Variants in KLHDC7A observed in about 807,000 individuals in gnomAD.
KLHDC7A encodes the protein kelch domain-containing protein 7A.
For synonymous variants in KLHDC7A, 464 were observed against 461.0 expected (o/e 1.01, Z -0.08); for missense variants, 1,123 against 1,052.6 (o/e 1.07, Z -0.93).
rs775219635 is a variant in KLHDC7A at position 18,482,871 on chromosome 1, G to T, written c.1890G>T (p.Thr630=). The T allele has an allele frequency of 1.9e-6, 3 of 1,611,626 alleles. No individual in the cohort carries two copies. Among genetic ancestry groups the T allele is most frequent in the Non-Finnish European group, 2.5e-6 (3 of 1,179,674 alleles). The change falls in exon 1 of 1, where the codon ACG becomes ACT. Residue 630 remains threonine (T), a synonymous_variant. Coordinates refer to ENST00000400664, the MANE Select transcript of KLHDC7A (RefSeq NM_152375.3). ...CGTTCGCCCTGGCGCACACGGCCAC[G>T]GTGCGTGCCAAGGAAATCTTCGTCA... ...SDTFALAHTA[T]VRAKEIFVTG...
chr1:18,482,178 C>A lies in KLHDC7A; in HGVS notation c.1197C>A (p.Gly399=). ...ACCCGGGCGCCCTGCCTGGCTTAGG[C>A]AGAAGCAGCCGGGAGCCCCATGTGC... ...CPDPGALPGL[G]RSSREPHVQP... is the part of the protein sequence containing the mutation. Residue 399 remains glycine (G), a synonymous_variant, in exon 1 of 1, where the codon GGC becomes GGA. Transcript: ENST00000400664. 1 of 1,611,308 alleles carries A rather than the reference C, an allele frequency of 6.2e-7. No individual in the cohort carries two copies. Among genetic ancestry groups the A allele is most frequent in the Middle Eastern group, 1.7e-4 (1 of 6,028 alleles).
chr1:18,481,807 C>G lies in KLHDC7A; in HGVS notation c.826C>G (p.Gln276Glu). The G allele has an allele frequency of 6.2e-7, 1 of 1,614,128 alleles. No homozygotes were observed. The highest frequency in any genetic ancestry group is 8.5e-7 in the Non-Finnish European group (1 of 1,180,014). Residue 276 changes from glutamine to glutamate, a missense_variant, in exon 1 of 1, where the codon CAG (glutamine) becomes GAG (glutamate). Coordinates refer to ENST00000400664, the MANE Select transcript of KLHDC7A (RefSeq NM_152375.3). ...ARVRMEEHFIQKAEGVEPRLK... is the reference protein window; with the variant it reads ...ARVRMEEHFIEKAEGVEPRLK... ...CGTCCGAATGGAGGAGCATTTCATA[C>G]AGAAGGCGGAGGGGGTTGAGCCCCG... is the stretch of plus-strand genomic sequence containing the variant.
chr1:18,482,640 C>G lies in KLHDC7A; in HGVS notation c.1659C>G (p.His553Gln). The change falls in exon 1 of 1, where the codon CAC (histidine) becomes CAG (glutamine). Residue 553 changes from histidine to glutamine, a missense_variant. Transcript: ENST00000400664. Reference protein sequence around the residue: ...FVVSGCQGPGHQPSSRVFCYN... With the variant: ...FVVSGCQGPGQQPSSRVFCYN... Reference sequence around the variant, plus strand: ...TGTCCGGCTGCCAGGGGCCCGGGCACCAGCCCTCCAGCCGCGTCTTCTGCT... The same window carrying G: ...TGTCCGGCTGCCAGGGGCCCGGGCAGCAGCCCTCCAGCCGCGTCTTCTGCT... The G allele has an allele frequency of 6.2e-7, 1 of 1,607,952 alleles. No homozygotes were observed. Among genetic ancestry groups the G allele is most frequent in the Admixed American group, 1.7e-5 (1 of 59,940 alleles).
In KLHDC7A at chr1:18,482,344, T is replaced by C. The variant is rs764241061; in HGVS notation, c.1363T>C (p.Tyr455His). ...QNLEALKEAA[Y>H]KVMSENYLQV... ...CCTGGAGGCCCTGAAAGAGGCGGCC[T>C]ACAAGGTGATGAGCGAAAACTACCT... is the stretch of plus-strand genomic sequence containing the variant. The change falls in exon 1 of 1, where the codon TAC becomes CAC. Residue 455 changes from tyrosine to histidine, a missense_variant. Transcript: ENST00000400664. 1 of 1,602,442 alleles carries C rather than the reference T, an allele frequency of 6.2e-7. No individual in the cohort carries two copies. Among genetic ancestry groups the C allele is most frequent in the South Asian group, 1.1e-5 (1 of 91,088 alleles).
chr1:18,484,107 C>T lies in KLHDC7A; in HGVS notation c.*792C>T. ...CCAAGGGCCACCCTGCTCCTCGGCC[C>T]TGCCCATGTTAACTGACCATTGCAC... On this transcript the variant is annotated 3_prime_UTR_variant, in exon 1 of 1. Transcript: ENST00000400664. 8.8e-7 allele frequency: 1 copy of T among 1,139,606 alleles called. No homozygotes were observed. Among genetic ancestry groups the T allele is most frequent in the Non-Finnish European group, 1.2e-6 (1 of 839,238 alleles). 70.6% of individuals were successfully genotyped at this position (1,139,606 alleles called of 1,614,324 possible).
Position 18,483,096 on chromosome 1 carries a change from C to T in KLHDC7A, c.2115C>T (p.Cys705=). 4.3e-6 allele frequency: 7 copies of T among 1,613,846 alleles called. No homozygotes were observed. The highest frequency in any genetic ancestry group is 1.1e-5 in the South Asian group (1 of 91,068). ...CSASTRLWYE[C]ATYRTPYPDA... is the part of the protein sequence containing the mutation. Reference sequence around the variant, plus strand: ...CCAGCACCCGGCTCTGGTACGAGTGCGCCACGTACCGGACGCCTTACCCGG... The same window carrying T: ...CCAGCACCCGGCTCTGGTACGAGTGTGCCACGTACCGGACGCCTTACCCGG... The change falls in exon 1 of 1, where the codon TGC becomes TGT. Residue 705 remains cysteine, a synonymous_variant. Coordinates refer to ENST00000400664, the MANE Select transcript of KLHDC7A (RefSeq NM_152375.3).
At position 18,483,720 on chromosome 1, in the gene KLHDC7A, G is replaced by C; in HGVS notation, c.*405G>C. ...CCCTCGCTAGTTGCTCTGGAGAGGG[G>C]TTGGCTCTCTGAGCCATCAGTGCCC... On this transcript the variant is annotated 3_prime_UTR_variant, in exon 1 of 1. Coordinates refer to ENST00000400664, the MANE Select transcript of KLHDC7A (RefSeq NM_152375.3). The C allele has an allele frequency of 8.4e-7, 1 of 1,197,044 alleles. No individual in the cohort carries two copies. The highest frequency in any genetic ancestry group is 1.1e-6 in the Non-Finnish European group (1 of 940,588). The allele number at this position is 1,197,044 out of a possible 1,614,324, so 74.2% of individuals were successfully genotyped here.
Position 18,481,955 on chromosome 1 carries a change from C to T in KLHDC7A, c.974C>T (p.Ser325Phe), listed in dbSNP as rs746155137. 1 of 1,613,200 alleles carries T rather than the reference C, an allele frequency of 6.2e-7. No individual in the cohort carries two copies. The highest frequency in any genetic ancestry group is 8.5e-7 in the Non-Finnish European group (1 of 1,179,996). ...EVPSPRPPPG[S>F]LGTGAASGGQ... ...CCATCCCCTAGGCCACCGCCAGGGT[C>T]CCTGGGAACAGGGGCTGCCTCGGGA... is the stretch of plus-strand genomic sequence containing the variant. The change falls in exon 1 of 1, where the codon TCC becomes TTC. Residue 325 changes from serine to phenylalanine, a missense_variant. Ser to Phe is a radical substitution (Grantham distance 155). Coordinates refer to ENST00000400664, the MANE Select transcript of KLHDC7A (RefSeq NM_152375.3).
chr1:18,481,781 G>T lies in KLHDC7A; in HGVS notation c.800G>T (p.Arg267Leu), dbSNP rs200369051. ...TCCTATACCTTCTCATCCATAGCCC[G>T]CGTCCGAATGGAGGAGCATTTCATA... ...NSSYTFSSIA[R>L]VRMEEHFIQK... The change falls in exon 1 of 1, where the codon CGC becomes CTC. Residue 267 changes from arginine (R) to leucine (L), a missense_variant. Arg to Leu is a moderately radical substitution (Grantham distance 102). Coordinates refer to ENST00000400664, the MANE Select transcript of KLHDC7A (RefSeq NM_152375.3). 9 of 1,614,112 alleles carry T rather than the reference G, an allele frequency of 5.6e-6. No individual in the cohort carries two copies. Among genetic ancestry groups the T allele is most frequent in the Non-Finnish European group, 7.6e-6 (9 of 1,180,018 alleles).
At position 18,482,035 on chromosome 1, in the gene KLHDC7A, G is replaced by A; in HGVS notation, c.1054G>A (p.Gly352Arg). The change falls in exon 1 of 1, where the codon GGG becomes AGG. Residue 352 changes from glycine to arginine, a missense_variant. Coordinates refer to ENST00000400664, the MANE Select transcript of KLHDC7A (RefSeq NM_152375.3). Reference sequence around the variant, plus strand: ...CGAAAGAGCCGCCTCCCCGCAGACAGGGCCGTGGCCCTCCACCCGAGGCTT... The same window carrying A: ...CGAAAGAGCCGCCTCCCCGCAGACAAGGCCGTGGCCCTCCACCCGAGGCTT... ...AAERAASPQTGPWPSTRGFSR... is the reference protein window; with the variant it reads ...AAERAASPQTRPWPSTRGFSR... 6.2e-7 allele frequency: 1 copy of A among 1,612,682 alleles called. No homozygotes were observed.
Position 18,483,152 on chromosome 1 carries a change from T to G in KLHDC7A, c.2171T>G (p.Leu724Arg). ...DAFQCAVVDN[L>R]IYCVGRRSTL... ...TTCCAGTGCGCCGTGGTGGACAACC[T>G]CATCTACTGCGTGGGACGCCGGAGC... The change falls in exon 1 of 1, where the codon CTC becomes CGC. Residue 724 changes from leucine to arginine, a missense_variant. Physicochemically the swap from Leu to Arg is moderately radical, Grantham distance 102 (BLOSUM62 -2). Transcript: ENST00000400664. 1.2e-6 allele frequency: 2 copies of G among 1,614,044 alleles called. No individual in the cohort carries two copies. Among genetic ancestry groups the G allele is most frequent in the Non-Finnish European group, 1.7e-6 (2 of 1,180,034 alleles).
Position 18,482,048 on chromosome 1 carries a change from C to A in KLHDC7A, c.1067C>A (p.Ser356Tyr). 1 of 1,612,684 alleles carries A rather than the reference C, an allele frequency of 6.2e-7. No homozygotes were observed. Among genetic ancestry groups the A allele is most frequent in the African/African-American group, 1.3e-5 (1 of 75,054 alleles). ...AASPQTGPWP[S>Y]TRGFSRKESL... The stretch of plus-strand genomic sequence containing the variant: ...TCCCCGCAGACAGGGCCGTGGCCCT[C>A]CACCCGAGGCTTCAGCCGGAAGGAG... Residue 356 changes from serine to tyrosine, a missense_variant, in exon 1 of 1, where the codon TCC becomes TAC. Ser to Tyr is a moderately radical substitution (Grantham distance 144). Transcript: ENST00000400664.
chr1:18,484,069 G>GA lies in KLHDC7A; in HGVS notation c.*757dup. On this transcript the variant is annotated 3_prime_UTR_variant, in exon 1 of 1. Coordinates refer to ENST00000400664, the MANE Select transcript of KLHDC7A (RefSeq NM_152375.3). The stretch of plus-strand genomic sequence containing the variant: ...TACACGGAGGTCTCAGCAAAGGGAA[G>GA]AAACTATGTGATCCAAGGGCCACCC... 7.7e-7 allele frequency: 1 copy of GA among 1,296,598 alleles called. No homozygotes were observed. Among genetic ancestry groups the GA allele is most frequent in the South Asian group, 1.2e-5 (1 of 80,888 alleles). 80.3% of individuals were successfully genotyped at this position (1,296,598 alleles called of 1,614,324 possible).
chr1:18,484,647 AAG>A lies in KLHDC7A; in HGVS notation c.*1336_*1337del, dbSNP rs2086922082. 2 of 167,184 alleles carry A rather than the reference AAG, an allele frequency of 1.2e-5. No individual in the cohort carries two copies. Among genetic ancestry groups the A allele is most frequent in the African/African-American group, 4.8e-5 (2 of 41,440 alleles). 10.4% of individuals were successfully genotyped at this position (167,184 alleles called of 1,614,324 possible). A position where few individuals can be genotyped will look rare whatever the true frequency, so the allele number is the denominator to read the frequency against. On this transcript the variant is annotated 3_prime_UTR_variant, in exon 1 of 1. Transcript: ENST00000400664. Reference sequence around the variant, plus strand: ...GCCCTGGGGATAAATGAGAGGATAAAAGAGAAAGTTCTTCCCAGTTTCCCAGG... The same window carrying A: ...GCCCTGGGGATAAATGAGAGGATAAAAGAAAGTTCTTCCCAGTTTCCCAGG...
At position 18,483,429 on chromosome 1, in the gene KLHDC7A, A is replaced by G. The variant is rs2086913980; in HGVS notation, c.*114A>G. ...AGGCAACCCAGGAATGTGGCCATCAAGAGGTGAATTCCGGTCCTTTCTCCT... is the reference window on the plus strand; with the variant it reads ...AGGCAACCCAGGAATGTGGCCATCAGGAGGTGAATTCCGGTCCTTTCTCCT... On this transcript the variant is annotated 3_prime_UTR_variant, in exon 1 of 1. Coordinates refer to ENST00000400664, the MANE Select transcript of KLHDC7A (RefSeq NM_152375.3). 5.3e-6 allele frequency: 8 copies of G among 1,515,720 alleles called. No individual in the cohort carries two copies. Among genetic ancestry groups the G allele is most frequent in the East Asian group, 2.3e-5 (1 of 43,548 alleles). 93.9% of individuals were successfully genotyped at this position (1,515,720 alleles called of 1,614,324 possible). A position where few individuals can be genotyped will look rare whatever the true frequency, so the allele number is the denominator to read the frequency against.
chr1:18,483,415 G>T lies in KLHDC7A; in HGVS notation c.*100G>T. On this transcript the variant is annotated 3_prime_UTR_variant, in exon 1 of 1. Coordinates refer to ENST00000400664, the MANE Select transcript of KLHDC7A (RefSeq NM_152375.3). ...ATTTCTAGGCAAACAGGCAACCCAG[G>T]AATGTGGCCATCAAGAGGTGAATTC... is the stretch of plus-strand genomic sequence containing the variant. The T allele has an allele frequency of 6.5e-7, 1 of 1,529,164 alleles. No homozygotes were observed. Among genetic ancestry groups the T allele is most frequent in the Non-Finnish European group, 8.8e-7 (1 of 1,140,102 alleles). The allele number at this position is 1,529,164 out of a possible 1,614,324, so 94.7% of individuals were successfully genotyped here.
In KLHDC7A at chr1:18,483,887, T is replaced by G; in HGVS notation, c.*572T>G. 3.1e-6 allele frequency: 4 copies of G among 1,291,620 alleles called. No individual in the cohort carries two copies. The highest frequency in any genetic ancestry group is 2.3e-5 in the Admixed American group (1 of 42,606). The allele number at this position is 1,291,620 out of a possible 1,614,324, so 80.0% of individuals were successfully genotyped here. ...CCCCAGGGGCCCTGGCCAGAGGGAG[T>G]GGTGGTTTGAAAAGTAGAACAGCTG... On this transcript the variant is annotated 3_prime_UTR_variant, in exon 1 of 1. Coordinates refer to ENST00000400664, the MANE Select transcript of KLHDC7A (RefSeq NM_152375.3).
At position 18,480,984 on chromosome 1, in the gene KLHDC7A, G is replaced by GT; in HGVS notation, c.5dup (p.Arg4GlnfsTer87). On this transcript the variant is annotated frameshift_variant, in exon 1 of 1. Transcript: ENST00000400664. LOFTEE classifies it low-confidence loss of function (END_TRUNC). ...AGCCCCAGGTTGGCTGGAGAAGCAT[G>GT]TTCCCCAGAGGAGCAGAGGCCCAGG... 6.4e-7 allele frequency: 1 copy of GT among 1,571,782 alleles called. No individual in the cohort carries two copies. Among genetic ancestry groups the GT allele is most frequent in the Non-Finnish European group, 8.6e-7 (1 of 1,156,748 alleles).
In KLHDC7A at chr1:18,483,741, T is replaced by G. The variant is rs556918359; in HGVS notation, c.*426T>G. The stretch of plus-strand genomic sequence containing the variant: ...AGGGGTTGGCTCTCTGAGCCATCAG[T>G]GCCCCTTCCTAAACATCAGCCACTG... On this transcript the variant is annotated 3_prime_UTR_variant, in exon 1 of 1. Coordinates refer to ENST00000400664, the MANE Select transcript of KLHDC7A (RefSeq NM_152375.3). The G allele has an allele frequency of 4.2e-5, 50 of 1,198,706 alleles. No homozygotes were observed. The highest frequency in any genetic ancestry group is 4.9e-5 in the Non-Finnish European group (46 of 940,860). 74.3% of individuals were successfully genotyped at this position (1,198,706 alleles called of 1,614,324 possible).
Sources: allele counts gnomAD v4.1 joint callset, GRCh38; gene constraint gnomAD v4.1.1; transcripts MANE v1.5; gene names NCBI Gene and HGNC (gene_info 2026-07-23, HGNC 2026-07-21).